Variants in NALF1 observed in about 807,000 individuals in gnomAD.
NALF1 encodes the protein family with sequence similarity 155 member A.
In NALF1, 3 loss-of-function variants were observed where a neutral mutation model predicts 48.4. The observed-to-expected ratio is 0.06, with a 90% CI of 0.03 to 0.16. The LOEUF is 0.16. Among genes scored for constraint, NALF1 ranks in the 10% least tolerant of loss-of-function variants. The pLI is 1.00. For missense variants in NALF1, 526 were observed against 571.5 expected, an observed-to-expected ratio of 0.92 and a Z score of 0.81; for synonymous variants, 262 against 245.7, an observed-to-expected ratio of 1.07 and a Z score of -0.62.
intron 1 of NALF1, among the ~76,000 whole-genome samples, chr13:107,216,723 A>G (rs1003316651): frequency 6.6e-6 from 1 of 152,122 alleles, no homozygotes; most frequent in African/African-American, 2.4e-5. Flanking sequence ...ACCATTCTCA[A>G]CACCAAAATG....
At chr13:107,577,409 T>C (rs1198257705) in intron 1 of NALF1, among the ~76,000 whole-genome samples, 2 of 152,146 alleles carry the variant, frequency 1.3e-5, no homozygotes, top group Non-Finnish European at 2.9e-5. Flanking sequence ...TACATGTTCT[T>C]GGAGACTAGC....
chr13:107,413,431 TAAAG>T (rs1286371404), intron 1 of NALF1, among the ~76,000 whole-genome samples: 1 of 152,100 alleles, frequency 6.6e-6, no homozygotes, highest in Non-Finnish European at 1.5e-5. Context: ...AAACAAGTGA[TAAAG>T]AAAATGCTGA....
At chr13:107,749,809 GGTTT>G (rs71121552) in intron 1 of NALF1, among the ~76,000 whole-genome samples, 13,245 of 151,032 alleles carry the variant, frequency 0.088, 809 homozygotes, top group South Asian at 0.18. Context: ...TTGTTGTGGT[GGTTT>G]GTTTGTTTGT....
intron 1 of NALF1, among the ~76,000 whole-genome samples, chr13:107,782,871 G>A (rs1285000673): frequency 6.7e-6 from 1 of 150,316 alleles, no homozygotes; most frequent in Non-Finnish European, 1.5e-5. Context: ...CGCCCCGTCT[G>A]GGAAGTGAGG....
intron 1 of NALF1, among the ~76,000 whole-genome samples, chr13:107,298,351 CA>C (rs1192707023): frequency 0.019 from 313 of 16,582 alleles, no homozygotes; most frequent in South Asian, 0.047. Flanking sequence ...GACTCCATCT[CA>C]AAAAAAAAAA....
Position 107,866,184 on chromosome 13 carries a change from CCGT to C in NALF1, c.410_412del (p.Asp137del). 6.2e-7 allele frequency: 1 copy of C among 1,602,392 alleles called. No homozygotes were observed. Among genetic ancestry groups the C allele is most frequent in the Non-Finnish European group, 8.5e-7 (1 of 1,175,118 alleles). Reference sequence around the variant, plus strand: ...GTTGCCCTTGCCGCCGCCGCCGCCGCCGTCTCCCGGGGAGGGGGGCAGGGTGGG... The same window carrying C: ...GTTGCCCTTGCCGCCGCCGCCGCCGCCTCCCGGGGAGGGGGGCAGGGTGGG... On this transcript the variant is annotated inframe_deletion, in exon 1 of 3. Transcript: ENST00000375915. This position sits in a 1 kb window ranked among gnomAD's most constrained non-coding sequence, Gnocchi z 4.4.
At chr13:107,824,788 G>A (rs987871023) in intron 1 of NALF1, among the ~76,000 whole-genome samples, 7 of 152,194 alleles carry the variant, frequency 4.6e-5, no homozygotes, top group Admixed American at 4.6e-4. Context: ...GCAGGTGCAC[G>A]TGGTGTTCAG....
intron 1 of NALF1, among the ~76,000 whole-genome samples, chr13:107,292,992 C>CTTTTTCTTTTTCTTT (rs745529749): frequency 9.0e-6 from 1 of 110,678 alleles, no homozygotes; most frequent in African/African-American, 3.3e-5. Flanking sequence ...TTTTCTTTTT[C>CTTTTTCTTTTTCTTT]TTTTTTTTTT....
chr13:107,824,218 C>A (rs550480182), intron 1 of NALF1, among the ~76,000 whole-genome samples: 9 of 152,024 alleles, frequency 5.9e-5, no homozygotes, highest in East Asian at 5.8e-4. Context: ...AATATAGGGA[C>A]CATATCACTA....
chr13:107,300,298 G>C (rs1351260059), intron 1 of NALF1, among the ~76,000 whole-genome samples: 4 of 152,204 alleles, frequency 2.6e-5, no homozygotes, highest in Non-Finnish European at 5.9e-5. Flanking sequence ...GAGACAGCCA[G>C]GTTTTAAATT....
chr13:107,477,688 C>T, intron 1 of NALF1, among the ~76,000 whole-genome samples: 1 of 151,970 alleles, frequency 6.6e-6, no homozygotes, highest in East Asian at 1.9e-4. Context: ...GATTCCAGGA[C>T]TCTTTTTTTT....
At chr13:107,838,079 C>T (rs1351104226) in intron 1 of NALF1, among the ~76,000 whole-genome samples, 1 of 152,166 alleles carries the variant, frequency 6.6e-6, no homozygotes, top group Admixed American at 6.5e-5. Context: ...ACGGTAAACT[C>T]GGCACAAGAA....
intron 1 of NALF1, among the ~76,000 whole-genome samples, chr13:107,830,301 GAAT>G (rs1169551347): frequency 2.0e-5 from 3 of 152,140 alleles, no homozygotes; most frequent in Non-Finnish European, 4.4e-5. Context: ...AATATATTAA[GAAT>G]AATATCAAGG....
chr13:107,705,270 C>T (rs7326004), intron 1 of NALF1, among the ~76,000 whole-genome samples: 27,808 of 152,090 alleles, frequency 0.18, 2,896 homozygotes, highest in African/African-American at 0.29. Context: ...CACAAATGTG[C>T]AGTACAGATG....
chr13:107,779,025 T>G (rs1877815733), intron 1 of NALF1, among the ~76,000 whole-genome samples: 1 of 152,240 alleles, frequency 6.6e-6, no homozygotes, highest in Admixed American at 6.5e-5. Flanking sequence ...TTCTGCTGCT[T>G]CTTTCTTTTA....
intron 1 of NALF1, among the ~76,000 whole-genome samples, chr13:107,272,166 G>A (rs1022968260): frequency 6.8e-6 from 1 of 146,908 alleles, no homozygotes; most frequent in African/African-American, 2.6e-5. Context: ...AAATTAACAT[G>A]TTTGCTGACA....
rs1275260730 is a variant in NALF1, at chr13:107,362,049, A to G, written c.916-151294T>C. On this transcript the variant is annotated intron_variant, in intron 1 of 2. Coordinates refer to ENST00000375915, the MANE Select transcript of NALF1 (RefSeq NM_001080396.3). The surrounding 1 kb of genome is among the most constrained non-coding windows in gnomAD (Gnocchi z 4.6). ...CTGGGTCCCTGAGAAACTAGTAAAC[A>G]GAAGTCGCACTGCCAGCCTGCAGTG... 6.6e-6 allele frequency among the ~76,000 whole-genome samples: 1 copy of G among 152,160 alleles called. No individual in the cohort carries two copies. Among genetic ancestry groups the G allele is most frequent in the Non-Finnish European group, 1.5e-5 (1 of 68,024 alleles).
At chr13:107,816,045 C>G (rs1202547565) in intron 1 of NALF1, among the ~76,000 whole-genome samples, 4 of 152,064 alleles carry the variant, frequency 2.6e-5, no homozygotes, top group Non-Finnish European at 5.9e-5. Context: ...AAAAATGTTC[C>G]AAAAGCGTTT....
intron 1 of NALF1, among the ~76,000 whole-genome samples, chr13:107,846,459 T>C (rs1357121926): frequency 1.3e-5 from 2 of 152,172 alleles, no homozygotes; most frequent in Non-Finnish European, 2.9e-5. Context: ...TAGACCCACC[T>C]GCCTTTCCAG....
Sources: allele counts gnomAD v4.1 joint callset (sites outside exome capture counted in the v4.1 genomes callset), GRCh38; gene constraint gnomAD v4.1.1; non-coding constraint Gnocchi (gnomAD v3.1); transcripts MANE v1.5; gene names NCBI Gene and HGNC (gene_info 2026-07-23, HGNC 2026-07-21).